AOPEP: variants seen among roughly 807,000 people sequenced by gnomAD.
The protein encoded by AOPEP is aminopeptidase O (putative), also known as aminopeptidase O.
Under a neutral mutation model 98.1 loss-of-function variants are expected in AOPEP, and 77 were observed. That is an observed-to-expected ratio of 0.78 (90% CI 0.65 to 0.95). AOPEP has a LOEUF of 0.95. Ranked by LOEUF, AOPEP falls within the 40% of genes least tolerant of loss-of-function variation. AOPEP has a pLI of 0.00. For synonymous variants in AOPEP, 346 were observed against 365.3 expected (o/e 0.95, Z 0.60); for missense variants, 1,024 against 1,024.7 (o/e 1.00, Z 0.01).
At chr9:94,882,887 A>G (rs779663212) in intron 5 of AOPEP, among the ~76,000 whole-genome samples, 4 of 152,216 alleles carry the variant, frequency 2.6e-5, no homozygotes, top group Non-Finnish European at 5.9e-5. Context: ...AAATACGTAC[A>G]TTGTGGACCC....
chr9:95,112,874 G>A, the AOPEP span, among the ~76,000 whole-genome samples: 2 of 152,362 alleles, frequency 1.3e-5, no homozygotes, highest in East Asian at 1.9e-4. Flanking sequence ...AGCACCACAT[G>A]CGCCCTTTCT....
chr9:95,133,490 C>T, the AOPEP span, among the ~76,000 whole-genome samples: 2 of 152,242 alleles, frequency 1.3e-5, no homozygotes, highest in Admixed American at 6.5e-5. Context: ...AAACTACAAA[C>T]TGGAGACTGA....
At chr9:94,758,894 C>G (rs1486969629) in intron 1 of AOPEP, among the ~76,000 whole-genome samples, 2 of 149,156 alleles carry the variant, frequency 1.3e-5, no homozygotes, top group Non-Finnish European at 3.0e-5. Context: ...TTTAATTTCT[C>G]TCCTTCCTTT....
the AOPEP span, chr9:95,101,853 G>A: frequency 1.2e-6 from 2 of 1,613,912 alleles, no homozygotes; most frequent in South Asian, 1.1e-5. Context: ...TGAGCCATCT[G>A]CAATCAGGAC....
At chr9:95,003,984 G>A (rs1223299325) in intron 11 of AOPEP, 1 of 301,488 alleles carries the variant, frequency 3.3e-6, no homozygotes, top group African/African-American at 2.2e-5. Context: ...AAGCTCCTCT[G>A]TGTAAAATAC....
chr9:95,100,761 G>C, the AOPEP span: 16 of 225,784 alleles, frequency 7.1e-5, no homozygotes, highest in Admixed American at 1.1e-4. Context: ...CTCTTGAATA[G>C]CTGGGATTAC....
In AOPEP at chr9:94,772,532, G is replaced by T. The variant is rs184344146; in HGVS notation, c.798-470G>T. ...TTTGAGATGGTGGCTTCCAAGATTG[G>T]GGGTATCTGCCTGCCAGCCCTGGAT... On this transcript the variant is annotated intron_variant, in intron 2 of 16. Coordinates refer to ENST00000375315, the MANE Select transcript of AOPEP (RefSeq NM_001193329.3). Among the ~76,000 whole-genome samples, 210 of 152,254 alleles carry T rather than the reference G, an allele frequency of 1.4e-3. 1 individual carries two copies. The highest frequency in any genetic ancestry group is 1.5e-3 in the Non-Finnish European group (101 of 68,018).
At chr9:95,032,116 C>T (rs1334261528) in intron 13 of AOPEP, among the ~76,000 whole-genome samples, 1 of 152,220 alleles carries the variant, frequency 6.6e-6, no homozygotes, top group African/African-American at 2.4e-5. Context: ...CCCTGAAACC[C>T]TCCAGCAGGA....
intron 7 of AOPEP, chr9:94,933,291 T>G: frequency 1.0e-6 from 1 of 985,500 alleles, no homozygotes; most frequent in Middle Eastern, 5.2e-4. Flanking sequence ...TCTGCCTAAG[T>G]GCTTTCAGTT....
intron 1 of AOPEP, among the ~76,000 whole-genome samples, chr9:94,731,097 C>CT (rs1283955222): frequency 1.3e-5 from 2 of 152,314 alleles, no homozygotes; most frequent in East Asian, 3.9e-4. Flanking sequence ...GACACCAGGA[C>CT]TAAGGCTTTC....
At chr9:94,931,138 TG>T (rs2055230074) in intron 7 of AOPEP, among the ~76,000 whole-genome samples, 1 of 152,164 alleles carries the variant, frequency 6.6e-6, no homozygotes, top group African/African-American at 2.4e-5. Flanking sequence ...GACTGCACCC[TG>T]GGAAGTCAGT....
chr9:94,882,573 C>T (rs937096428), intron 5 of AOPEP, among the ~76,000 whole-genome samples: 3 of 152,142 alleles, frequency 2.0e-5, no homozygotes, highest in African/African-American at 7.2e-5. Flanking sequence ...GTCAGGAGTT[C>T]AAGACCAGCC....
At position 94,817,677 on chromosome 9, in the gene AOPEP, A is replaced by T. The variant is rs75714331; in HGVS notation, c.1364+16675A>T. 9.1e-4 allele frequency among the ~76,000 whole-genome samples: 138 copies of T among 152,316 alleles called. 1 individual carries two copies. The East Asian group carries it at 0.025, about 28-fold the overall frequency. Reference sequence around the variant, plus strand: ...TATTTATCCTCAAGTAAAAGTTGGGAACAGAAGTGATTTAGCATGGCCAAT... The same window carrying T: ...TATTTATCCTCAAGTAAAAGTTGGGTACAGAAGTGATTTAGCATGGCCAAT... On this transcript the variant is annotated intron_variant, in intron 5 of 16. Transcript: ENST00000375315.
chr9:94,838,917 T>TG (rs1358226422), intron 5 of AOPEP, among the ~76,000 whole-genome samples: 1 of 141,000 alleles, frequency 7.1e-6, no homozygotes, highest in Non-Finnish European at 1.5e-5. Context: ...TTCTTTTTTT[T>TG]TTTTTTTTTT....
intron 5 of AOPEP, among the ~76,000 whole-genome samples, chr9:94,911,967 C>T (rs1184296463): frequency 6.6e-6 from 1 of 152,174 alleles, no homozygotes; most frequent in Non-Finnish European, 1.5e-5. Context: ...ATGCACATAA[C>T]CAGCACTCCA....
intron 5 of AOPEP, among the ~76,000 whole-genome samples, chr9:94,921,714 T>G (rs962937489): frequency 2.6e-5 from 4 of 152,208 alleles, no homozygotes. Flanking sequence ...GTATCCAGTA[T>G]GTCAAACCCA....
the AOPEP span, among the ~76,000 whole-genome samples, chr9:95,136,587 T>G: frequency 6.6e-6 from 1 of 152,118 alleles, no homozygotes; most frequent in Non-Finnish European, 1.5e-5. Flanking sequence ...CCTAGGCTCA[T>G]GTGATCCTCC....
intron 1 of AOPEP, among the ~76,000 whole-genome samples, chr9:94,747,995 G>T (rs551769046): frequency 6.6e-6 from 1 of 152,254 alleles, no homozygotes; most frequent in Admixed American, 6.5e-5. Context: ...GTAAAAATTA[G>T]TTCAGCCTCT....
intron 11 of AOPEP, among the ~76,000 whole-genome samples, chr9:94,986,568 A>G (rs2060531820): frequency 6.6e-6 from 1 of 152,192 alleles, no homozygotes; most frequent in South Asian, 2.1e-4. Flanking sequence ...TTGGTCCCAA[A>G]TGATGTTAGT....
Sources: gnomAD v4.1 joint callset for allele counts (sites outside exome capture counted in the v4.1 genomes callset) on GRCh38, gnomAD v4.1.1 for gene constraint, MANE v1.5 for transcripts, NCBI Gene and HGNC (gene_info 2026-07-23, HGNC 2026-07-21) for gene names.